Variants in INPP4B observed in about 807,000 individuals in gnomAD.
The protein encoded by INPP4B is inositol polyphosphate 4-phosphatase type II.
INPP4B carries 55 observed loss-of-function variants against 122.5 expected under a neutral mutation model. The observed-to-expected ratio is 0.45, with a 90% CI of 0.36 to 0.56. INPP4B has a LOEUF of 0.56. Ranked by LOEUF, INPP4B falls within the 20% of genes least tolerant of loss-of-function variation. The pLI, the probability that INPP4B is intolerant of heterozygous loss-of-function variation, is 0.00. For missense variants in INPP4B, 1,000 were observed against 1,097.7 expected (o/e 0.91, Z 1.26); for synonymous variants, 403 against 388.7 (o/e 1.04, Z -0.43).
intron 15 of INPP4B, among the ~76,000 whole-genome samples, chr4:142,181,628 TATTCATTCATTC>T (rs568375218): frequency 1.3e-5 from 2 of 152,318 alleles, no homozygotes; most frequent in East Asian, 1.9e-4. Flanking sequence ...ATAGTTTGCT[TATTCATTCATTC>T]ATTCATTCAT....
intron 17 of INPP4B, among the ~76,000 whole-genome samples, chr4:142,151,464 C>T (rs1813875836): frequency 6.6e-6 from 1 of 152,198 alleles, no homozygotes; most frequent in Admixed American, 6.5e-5. Context: ...AATAACTACA[C>T]TCAGTTTAAA....
At chr4:142,233,838 T>A (rs1855517244) in intron 12 of INPP4B, among the ~76,000 whole-genome samples, 1 of 152,040 alleles carries the variant, frequency 6.6e-6, no homozygotes, top group African/African-American at 2.4e-5. Flanking sequence ...ATTACAAATG[T>A]AATTCTTAAA....
intron 2 of INPP4B, chr4:142,560,637 A>G (rs964775020): frequency 6.6e-6 from 1 of 152,268 alleles, no homozygotes; most frequent in Non-Finnish European, 1.5e-5. Flanking sequence ...GCTGAAAAAC[A>G]TGGATTCTGA....
chr4:142,507,111 C>T (rs527591222), intron 2 of INPP4B, among the ~76,000 whole-genome samples: 7 of 152,274 alleles, frequency 4.6e-5, no homozygotes, highest in South Asian at 2.1e-4. Context: ...CAGATGAATT[C>T]GTATTTTCTT....
At position 142,028,272 on chromosome 4, in the gene INPP4B, A is replaced by ATGAG; in HGVS notation, c.*506_*509dup. On this transcript the variant is annotated 3_prime_UTR_variant, in exon 26 of 26. Transcript: ENST00000262992. ...GCAAACTGCCTCAGTATTCCAGATCATGAGTTAACTCTACCTAATTGAGTG... is the reference window on the plus strand; with the variant it reads ...GCAAACTGCCTCAGTATTCCAGATCATGAGTGAGTTAACTCTACCTAATTGAGTG... 4.4e-6 allele frequency: 1 copy of ATGAG among 227,096 alleles called. No individual in the cohort carries two copies. The highest frequency in any genetic ancestry group is 8.8e-6 in the Non-Finnish European group (1 of 114,168). The allele number at this position is 227,096 out of a possible 1,614,324, so 14.1% of individuals were successfully genotyped here.
At chr4:142,155,989 A>G (rs1185110813) in intron 17 of INPP4B, among the ~76,000 whole-genome samples, 1 of 147,604 alleles carries the variant, frequency 6.8e-6, no homozygotes, top group Non-Finnish European at 1.5e-5. Context: ...CACATTTAAC[A>G]TAATATGAAA....
chr4:142,149,368 T>G (rs336404), intron 17 of INPP4B, among the ~76,000 whole-genome samples: 97,516 of 152,130 alleles, frequency 0.64, 36,652 homozygotes, highest in South Asian at 0.83. Flanking sequence ...CCAGATAAGG[T>G]TACTGTTATT....
chr4:142,067,312 C>T (rs958440154), intron 25 of INPP4B, among the ~76,000 whole-genome samples: 6 of 152,136 alleles, frequency 3.9e-5, no homozygotes, highest in Non-Finnish European at 8.8e-5. Flanking sequence ...CACACCAAAA[C>T]CCCATCAGTA....
At chr4:142,250,622 T>C (rs934519942) in intron 11 of INPP4B, among the ~76,000 whole-genome samples, 6 of 152,240 alleles carry the variant, frequency 3.9e-5, no homozygotes, top group Non-Finnish European at 8.8e-5. Context: ...CACCTTTATA[T>C]TTTGAACAGA....
chr4:142,637,416 T>C (rs370404433), intron 2 of INPP4B, among the ~76,000 whole-genome samples: 1 of 152,328 alleles, frequency 6.6e-6, no homozygotes. Context: ...GTTTTGCCTT[T>C]TCCAGAATGC....
Position 142,112,575 on chromosome 4 carries a change from A to C in INPP4B, c.2243T>G (p.Val748Gly), listed in dbSNP as rs1170609049. ...LLHVYPVLFN[V>G]GINEQQTLAE... ...CAGAGTTTGCTGTTCATTGATTCCA[A>C]CATTAAAAAGTACTGGATACACATG... Residue 748 changes from valine to glycine, a missense_variant, in exon 22 of 26, where the codon GTT becomes GGT. Transcript: ENST00000262992. 6.2e-7 allele frequency: 1 copy of C among 1,613,076 alleles called. No individual in the cohort carries two copies. The highest frequency in any genetic ancestry group is 8.5e-7 in the Non-Finnish European group (1 of 1,179,484).
intron 2 of INPP4B, among the ~76,000 whole-genome samples, chr4:142,703,335 C>T (rs1043378254): frequency 1.3e-5 from 2 of 151,964 alleles, no homozygotes; most frequent in African/African-American, 4.8e-5. Flanking sequence ...AGATAAATAC[C>T]TTACAATAAT....
intron 7 of INPP4B, among the ~76,000 whole-genome samples, chr4:142,343,499 C>T (rs546437128): frequency 2.0e-5 from 3 of 151,580 alleles, no homozygotes; most frequent in Non-Finnish European, 2.9e-5. Flanking sequence ...AAAAAAACCC[C>T]GAGAGTTTCT....
At chr4:142,362,217 C>T (rs953827381) in intron 7 of INPP4B, among the ~76,000 whole-genome samples, 20 of 151,956 alleles carry the variant, frequency 1.3e-4, no homozygotes, top group Admixed American at 6.6e-5. Flanking sequence ...AGGCATCCCC[C>T]AAAAATTCAG....
intron 2 of INPP4B, among the ~76,000 whole-genome samples, chr4:142,517,231 G>A (rs1339027359): frequency 6.6e-6 from 1 of 151,942 alleles, no homozygotes; most frequent in Non-Finnish European, 1.5e-5. Context: ...AGTAATTGAG[G>A]TTTGCAAGTA....
At chr4:142,306,041 A>G in intron 8 of INPP4B, 1 of 529,118 alleles carries the variant, frequency 1.9e-6, no homozygotes, top group Non-Finnish European at 2.4e-6. Flanking sequence ...AATGTTTAAA[A>G]GCATTTTTCC....
intron 15 of INPP4B, among the ~76,000 whole-genome samples, chr4:142,183,771 T>C (rs1010486255): frequency 3.3e-5 from 5 of 152,244 alleles, no homozygotes; most frequent in African/African-American, 7.2e-5. Flanking sequence ...ACGTAACTTC[T>C]AATTTACAGA....
At chr4:142,820,153 T>G (rs1366545808) in intron 1 of INPP4B, among the ~76,000 whole-genome samples, 1 of 152,134 alleles carries the variant, frequency 6.6e-6, no homozygotes, top group East Asian at 1.9e-4. Context: ...TTGGAATAAA[T>G]GTGCTATAGT....
At chr4:142,575,740 C>G (rs1433893407) in intron 2 of INPP4B, among the ~76,000 whole-genome samples, 2 of 152,046 alleles carry the variant, frequency 1.3e-5, no homozygotes, top group Non-Finnish European at 2.9e-5. Context: ...CATGTCAATA[C>G]AGATCTTCCT....
Sources: allele counts gnomAD v4.1 joint callset (sites outside exome capture counted in the v4.1 genomes callset), GRCh38; gene constraint gnomAD v4.1.1; transcripts MANE v1.5; gene names NCBI Gene and HGNC (gene_info 2026-07-23, HGNC 2026-07-21).